PSEN1: variants seen among roughly 807,000 people sequenced by gnomAD.
PSEN1 encodes presenilin 1.
A neutral mutation model predicts 53.5 loss-of-function variants in PSEN1; 15 were observed. The ratio of observed to expected loss-of-function variants is 0.28; its 90% CI spans 0.19 to 0.43. The LOEUF is 0.43. Among genes scored for constraint, PSEN1 ranks in the 20% least tolerant of loss-of-function variants. The pLI, the probability that PSEN1 is intolerant of heterozygous loss-of-function variation, is 1.00. For synonymous variants in PSEN1, 208 were observed against 209.8 expected (o/e 0.99, Z 0.08); for missense variants, 387 against 571.2 (o/e 0.68, Z 3.29).
In PSEN1 at chr14:73,186,899, T is replaced by A. The variant is rs1335871359; in HGVS notation, c.527T>A (p.Phe176Tyr). 1 of 1,613,832 alleles carries A rather than the reference T, an allele frequency of 6.2e-7. No individual in the cohort carries two copies. Among genetic ancestry groups the A allele is most frequent in the Non-Finnish European group, 8.5e-7 (1 of 1,179,700 alleles). ...LIISSLLLLF[F>Y]FSFIYLGEVF... ...ATATCATCTCTATTGTTGCTGTTCT[T>A]TTTTTCATTCATTTACTTGGGGTAA... Residue 176 changes from phenylalanine (F) to tyrosine (Y), a missense_variant, in exon 6 of 12, where the codon TTT becomes TAT. Phe to Tyr is a conservative substitution (Grantham distance 22). This residue lies in a region of PSEN1 where 169 missense variants were observed against 299.7 expected (regional missense o/e 0.56). Coordinates refer to ENST00000324501, the MANE Select transcript of PSEN1 (RefSeq NM_000021.4).
chr14:73,184,704 CA>C (rs1898409353), intron 5 of PSEN1, among the ~76,000 whole-genome samples: 2 of 148,416 alleles, frequency 1.3e-5, no homozygotes, highest in South Asian at 2.1e-4. Context: ...CTGACCCCCC[CA>C]CCTCCCTCCC....
intron 5 of PSEN1, among the ~76,000 whole-genome samples, chr14:73,178,017 C>G (rs1390381578): frequency 6.6e-6 from 1 of 151,808 alleles, no homozygotes. Context: ...CTTCCCGGTT[C>G]AAGTGATTCT....
At chr14:73,199,360 CAA>C (rs745596002) in intron 8 of PSEN1, among the ~76,000 whole-genome samples, 5 of 152,150 alleles carry the variant, frequency 3.3e-5, no homozygotes, top group South Asian at 2.1e-4. Context: ...GAGAATGAGA[CAA>C]GAGAGGATAC....
rs576634775 is a variant in PSEN1 at position 73,209,777 on chromosome 14, G to A, written c.956-1992G>A. ...AGGGGACGGCCCGCTGAAGGATGGA[G>A]GAAGAGCTTTCCAAGAGAGGGACAA... On this transcript the variant is annotated intron_variant, in intron 9 of 11. Transcript: ENST00000324501. Among the ~76,000 whole-genome samples, 11 of 152,302 alleles carry A rather than the reference G, an allele frequency of 7.2e-5. No homozygotes were observed. The South Asian group carries it at 1.7e-3, about 23-fold the overall frequency.
chr14:73,218,707 C>T (rs1371511541), intron 11 of PSEN1, among the ~76,000 whole-genome samples: 3 of 151,100 alleles, frequency 2.0e-5, no homozygotes, highest in South Asian at 2.1e-4. Context: ...GAGAAGCCCC[C>T]GCACAGCATA....
At chr14:73,193,373 C>T (rs921509726) in intron 7 of PSEN1, among the ~76,000 whole-genome samples, 6 of 151,374 alleles carry the variant, frequency 4.0e-5, no homozygotes, top group Non-Finnish European at 5.9e-5. Flanking sequence ...GGTGAAACCC[C>T]GTCTCTACTA....
chr14:73,174,066 T>C, intron 5 of PSEN1: 1 of 358,728 alleles, frequency 2.8e-6, no homozygotes, highest in African/African-American at 2.1e-5. Flanking sequence ...GTGTAAAATA[T>C]ATATATTATG....
chr14:73,199,515 T>C lies in PSEN1; in HGVS notation c.868+1386T>C, dbSNP rs369657165. Reference sequence around the variant, plus strand: ...AGATATTCAGTGGTGGGTATCCTCATTGATAGACATTTAGATCATTTCCAT... The same window carrying C: ...AGATATTCAGTGGTGGGTATCCTCACTGATAGACATTTAGATCATTTCCAT... On this transcript the variant is annotated intron_variant, in intron 8 of 11. Coordinates refer to ENST00000324501, the MANE Select transcript of PSEN1 (RefSeq NM_000021.4). Among the ~76,000 whole-genome samples the C allele has an allele frequency of 5.9e-5, 9 of 152,354 alleles. No homozygotes were observed. The South Asian group carries it at 1.0e-3, about 18-fold the overall frequency.
At chr14:73,147,152 A>G (rs1897096813) in intron 1 of PSEN1, among the ~76,000 whole-genome samples, 1 of 151,622 alleles carries the variant, frequency 6.6e-6, no homozygotes, top group African/African-American at 2.4e-5. Flanking sequence ...CACCCGGCTA[A>G]TTTTTGTATT....
chr14:73,211,897 C>T lies in PSEN1; in HGVS notation c.1084C>T (p.Gln362Ter). ...RSTPESRAAV[Q>*]ELSSSILAGE... Reference sequence around the variant, plus strand: ...TACACCTGAGTCACGAGCTGCTGTCCAGGAACTTTCCAGCAGTATCCTCGC... The same window carrying T: ...TACACCTGAGTCACGAGCTGCTGTCTAGGAACTTTCCAGCAGTATCCTCGC... The change falls in exon 10 of 12, where the codon CAG becomes TAG. Residue 362 changes from glutamine to a stop codon, truncating the protein, a stop_gained. Coordinates refer to ENST00000324501, the MANE Select transcript of PSEN1 (RefSeq NM_000021.4). LOFTEE classifies it high-confidence loss of function. 1.2e-6 allele frequency: 2 copies of T among 1,613,856 alleles called. No homozygotes were observed. Among genetic ancestry groups the T allele is most frequent in the Non-Finnish European group, 1.7e-6 (2 of 1,179,978 alleles).
chr14:73,188,460 C>A (rs1898597237), intron 6 of PSEN1, among the ~76,000 whole-genome samples: 1 of 152,072 alleles, frequency 6.6e-6, no homozygotes, highest in Admixed American at 6.6e-5. Context: ...TGGATACCAA[C>A]CTGCGCAACA....
At position 73,223,161 on chromosome 14, in the gene PSEN1, T is replaced by C. The variant is rs2140156370; in HGVS notation, c.*3872T>C. On this transcript the variant is annotated 3_prime_UTR_variant, in exon 12 of 12. Transcript: ENST00000324501. Reference sequence around the variant, plus strand: ...AGACATCTGCATGTGATCATCTGCATAGTCCTCTCCTCTAACGGGAAACAC... The same window carrying C: ...AGACATCTGCATGTGATCATCTGCACAGTCCTCTCCTCTAACGGGAAACAC... 6.6e-6 allele frequency: 1 copy of C among 152,356 alleles called. No homozygotes were observed. The highest frequency in any genetic ancestry group is 2.1e-4 in the South Asian group (1 of 4,828). 9.4% of individuals were successfully genotyped at this position (152,356 alleles called of 1,614,324 possible).
intron 5 of PSEN1, among the ~76,000 whole-genome samples, chr14:73,183,755 C>T (rs1898310325): frequency 6.6e-6 from 1 of 151,770 alleles, no homozygotes; most frequent in Non-Finnish European, 1.5e-5. Flanking sequence ...CCTTTCCCGC[C>T]TTTCTATTCC....
chr14:73,183,493 A>G (rs1182452724), intron 5 of PSEN1, among the ~76,000 whole-genome samples: 1 of 152,048 alleles, frequency 6.6e-6, no homozygotes, highest in Non-Finnish European at 1.5e-5. Flanking sequence ...GGGAGTGGTG[A>G]TGACTCTTAA....
At chr14:73,153,715 T>A (rs1006071775) in intron 3 of PSEN1, among the ~76,000 whole-genome samples, 2 of 99,360 alleles carry the variant, frequency 2.0e-5, no homozygotes, top group Non-Finnish European at 4.3e-5. Flanking sequence ...TTTTCTTTCC[T>A]TTTTTTTTTT....
intron 5 of PSEN1, among the ~76,000 whole-genome samples, chr14:73,180,040 A>G (rs1393982427): frequency 6.6e-6 from 1 of 151,362 alleles, no homozygotes; most frequent in East Asian, 1.9e-4. Context: ...GCTGGAGTGT[A>G]GTGGCATGAT....
chr14:73,160,969 CT>C (rs552718246), intron 3 of PSEN1, among the ~76,000 whole-genome samples: 1,158 of 91,626 alleles, frequency 0.013, 12 homozygotes, highest in African/African-American at 0.034. Flanking sequence ...ATATGATTTG[CT>C]TTTTTTTTTT....
At chr14:73,219,080 G>C (rs1900043518) in intron 11 of PSEN1, 54 bp from the exon 12 acceptor site, 1 of 1,590,988 alleles carries the variant, frequency 6.3e-7, no homozygotes, top group African/African-American at 1.3e-5. Context: ...AGTTTTGCCT[G>C]AAAATGCTTT....
At chr14:73,147,291 C>T (rs1015984117) in intron 1 of PSEN1, among the ~76,000 whole-genome samples, 3 of 152,014 alleles carry the variant, frequency 2.0e-5, no homozygotes, top group Non-Finnish European at 4.4e-5. Flanking sequence ...GCTGAGTCTG[C>T]GATTTCTTGC....
Sources: gnomAD v4.1 joint callset for allele counts (sites outside exome capture counted in the v4.1 genomes callset) on GRCh38, gnomAD v4.1.1 for gene constraint, gnomAD v4.1.1 regional missense constraint, MANE v1.5 for transcripts, NCBI Gene and HGNC (gene_info 2026-07-23, HGNC 2026-07-21) for gene names.